EYA3: variants seen among roughly 807,000 people sequenced by gnomAD.
EYA3 encodes the protein protein phosphatase EYA3.
EYA3 carries 39 observed loss-of-function variants against 80.0 expected under a neutral mutation model. The ratio of observed to expected loss-of-function variants is 0.49; its 90% confidence interval spans 0.38 to 0.64. The LOEUF (loss-of-function observed/expected upper bound fraction) is 0.64. Among genes scored for constraint, EYA3 ranks in the 30% least tolerant of loss-of-function variants. The pLI is 0.00. For missense variants in EYA3, 523 were observed against 676.1 expected (o/e 0.77, Z 2.51); for synonymous variants, 206 against 232.8 (o/e 0.88, Z 1.05).
chr1:28,017,392 T>G (rs1236579963), intron 7 of EYA3, among the ~76,000 whole-genome samples, 153 bp from the exon 8 acceptor site: 1 of 152,246 alleles, frequency 6.6e-6, no homozygotes, highest in Non-Finnish European at 1.5e-5. Context: ...TTGTGTGGGA[T>G]AGCTACATTT....
intron 7 of EYA3, among the ~76,000 whole-genome samples, chr1:28,025,639 T>C (rs892719818): frequency 4.6e-5 from 7 of 152,170 alleles, no homozygotes; most frequent in African/African-American, 9.7e-5. Flanking sequence ...TTGTCATTAA[T>C]AGCAAAATGA....
chr1:27,981,140 G>T (rs1639276382), intron 16 of EYA3, among the ~76,000 whole-genome samples: 1 of 152,190 alleles, frequency 6.6e-6, no homozygotes, highest in Non-Finnish European at 1.5e-5. Context: ...GCCATTAAGA[G>T]AACCATATTT....
chr1:28,019,874 AT>A (rs113647455), intron 7 of EYA3, among the ~76,000 whole-genome samples: 3,748 of 151,500 alleles, frequency 0.025, 96 homozygotes, highest in African/African-American at 0.063. Flanking sequence ...CTAATGCTGC[AT>A]TTTTTTTAGT....
At position 28,082,662 on chromosome 1, in the gene EYA3, T is replaced by C. The variant is rs72658370; in HGVS notation, c.-69+5862A>G. Among the ~76,000 whole-genome samples the C allele has an allele frequency of 9.2e-3, 1,397 of 152,278 alleles. 10 individuals carry two copies. The highest frequency in any genetic ancestry group is 0.017 in the African/African-American group (699 of 41,564). Reference sequence around the variant, plus strand: ...CAGTGGCAAATCAGATGTTTCAGTTTTAGTCTTCTGTTTTATATTTCAAAG... The same window carrying C: ...CAGTGGCAAATCAGATGTTTCAGTTCTAGTCTTCTGTTTTATATTTCAAAG... On this transcript the variant is annotated intron_variant, in intron 1 of 17. Coordinates refer to ENST00000373871, the MANE Select transcript of EYA3 (RefSeq NM_001990.4).
chr1:28,022,928 G>C (rs999787809), intron 7 of EYA3, among the ~76,000 whole-genome samples: 29 of 152,084 alleles, frequency 1.9e-4, no homozygotes, highest in African/African-American at 6.5e-4. Context: ...TGTTGCCCAG[G>C]CTGGAAGCCC....
chr1:27,976,480 A>C (rs1469980606), intron 17 of EYA3, among the ~76,000 whole-genome samples: 3 of 151,700 alleles, frequency 2.0e-5, no homozygotes, highest in Non-Finnish European at 4.4e-5. Flanking sequence ...CAAAACAAAA[A>C]AAAGAATGCC....
chr1:28,055,099 T>G (rs1202760406), intron 2 of EYA3, among the ~76,000 whole-genome samples: 1 of 152,170 alleles, frequency 6.6e-6, no homozygotes, highest in African/African-American at 2.4e-5. Flanking sequence ...GCTTAAAAGA[T>G]TTAGGCTATA....
chr1:28,026,743 G>A (rs926327487), intron 7 of EYA3, among the ~76,000 whole-genome samples: 1 of 150,980 alleles, frequency 6.6e-6, no homozygotes, highest in African/African-American at 2.4e-5. Flanking sequence ...AGAAAGAAGG[G>A]GGAGAGGACA....
chr1:27,978,719 T>A (rs1639108260), intron 16 of EYA3, among the ~76,000 whole-genome samples: 1 of 152,304 alleles, frequency 6.6e-6, no homozygotes, highest in East Asian at 1.9e-4. Flanking sequence ...ATCCCAGCAC[T>A]TTGGGAGACC....
intron 7 of EYA3, among the ~76,000 whole-genome samples, chr1:28,022,047 G>A (rs1252378171): frequency 2.6e-5 from 4 of 152,132 alleles, no homozygotes; most frequent in East Asian, 1.9e-4. Flanking sequence ...TGGGTCATTC[G>A]TTCACTTAAT....
chr1:28,030,593 CA>C (rs1406953894), intron 6 of EYA3, among the ~76,000 whole-genome samples: 1 of 152,154 alleles, frequency 6.6e-6, no homozygotes, highest in East Asian at 1.9e-4. Context: ...GGCTTTGCCC[CA>C]AACTCTTAAT....
chr1:28,085,208 TGA>T (rs1405867351), intron 1 of EYA3, among the ~76,000 whole-genome samples: 3 of 152,266 alleles, frequency 2.0e-5, no homozygotes, highest in African/African-American at 7.2e-5. Flanking sequence ...CTCAGCACTT[TGA>T]GAGCCCGAGG....
chr1:28,004,539 T>A, intron 10 of EYA3, 120 bp from the exon 11 acceptor site: 1 of 637,404 alleles, frequency 1.6e-6, no homozygotes, highest in Admixed American at 3.0e-5. Context: ...AACAATACAA[T>A]CCTAAACAAC....
At chr1:28,084,511 T>C (rs550535364) in intron 1 of EYA3, among the ~76,000 whole-genome samples, 23 of 133,608 alleles carry the variant, frequency 1.7e-4, no homozygotes, top group Non-Finnish European at 3.4e-4. Flanking sequence ...AACCTTTTGG[T>C]ATAAACCAAT....
At position 28,035,773 on chromosome 1, in the gene EYA3, C is replaced by G. The variant is rs1643419380; in HGVS notation, c.225-93G>C. The G allele has an allele frequency of 2.5e-6, 3 of 1,207,272 alleles. No homozygotes were observed. In the African/African-American group the frequency reaches 4.6e-5, roughly 18 times the overall value. The allele number at this position is 1,207,272 out of a possible 1,614,324, so 74.8% of individuals were successfully genotyped here. A position where few individuals can be genotyped will look rare whatever the true frequency, so the allele number is the denominator to read the frequency against. On this transcript the variant is annotated intron_variant, in intron 5 of 17. Transcript: ENST00000373871. The stretch of plus-strand genomic sequence containing the variant: ...GCTACCACCACTAACAGCAAAGAAT[C>G]TGCAACAAGGAGACTAATCTTCCAC...
intron 7 of EYA3, among the ~76,000 whole-genome samples, chr1:28,022,174 A>C (rs1424555770): frequency 1.3e-5 from 2 of 152,154 alleles, no homozygotes; most frequent in African/African-American, 4.8e-5. Context: ...TTTGAGACAG[A>C]GTCTCGCTCT....
At chr1:27,995,618 C>T (rs1324746595) in intron 13 of EYA3, among the ~76,000 whole-genome samples, 1 of 151,378 alleles carries the variant, frequency 6.6e-6, no homozygotes, top group East Asian at 1.9e-4. Flanking sequence ...CGCCTATGGT[C>T]CTAGCTATTT....
At chr1:28,018,205 G>GAAAAGAA (rs1184419651) in intron 7 of EYA3, among the ~76,000 whole-genome samples, 1 of 149,642 alleles carries the variant, frequency 6.7e-6, no homozygotes, top group Non-Finnish European at 1.5e-5. Flanking sequence ...CAAAAAAAAA[G>GAAAAGAA]AAAAGAAAAA....
At chr1:28,054,213 T>A (rs146281856) in intron 2 of EYA3, among the ~76,000 whole-genome samples, 2,284 of 152,262 alleles carry the variant, frequency 0.015, 33 homozygotes, top group South Asian at 0.027. Context: ...TAATTATTAA[T>A]TTGACTTCAA....
Sources: gnomAD v4.1 joint callset for allele counts (sites outside exome capture counted in the v4.1 genomes callset) on GRCh38, gnomAD v4.1.1 for gene constraint, MANE v1.5 for transcripts, NCBI Gene and HGNC (gene_info 2026-07-23, HGNC 2026-07-21) for gene names.